The following PRRC2A variants were observed in gnomAD, a reference collection of about 807,000 sequenced individuals.
PRRC2A encodes protein PRRC2A.
A neutral mutation model predicts 224.6 loss-of-function variants in PRRC2A; 59 were observed. The observed-to-expected ratio is 0.26, with a 90% CI of 0.21 to 0.33. The LOEUF (loss-of-function observed/expected upper bound fraction) is 0.33. Among genes scored for constraint, PRRC2A ranks in the 10% least tolerant of loss-of-function variants. The pLI, the probability that PRRC2A is intolerant of heterozygous loss-of-function variation, is 1.00. For synonymous variants in PRRC2A, 1,194 were observed against 1,109.5 expected (o/e 1.08, Z -1.51); for missense variants, 3,095 against 2,880.7 (o/e 1.07, Z -1.70).
chr6:31,633,683 TC>T (rs1776957536), intron 17 of PRRC2A, 36 bp downstream of exon 17: 2 of 1,575,888 alleles, frequency 1.3e-6, no homozygotes, highest in Admixed American at 1.8e-5. Context: ...AATATCTCCA[TC>T]CCCAGAGAAG....
In PRRC2A at chr6:31,625,088, G is replaced by A. The variant is rs1331395667; in HGVS notation, c.464-83G>A. 6.0e-6 allele frequency: 9 copies of A among 1,495,790 alleles called. No homozygotes were observed. Among genetic ancestry groups the A allele is most frequent in the Admixed American group, 3.7e-5 (2 of 53,482 alleles). 92.7% of individuals were successfully genotyped at this position (1,495,790 alleles called of 1,614,324 possible). On this transcript the variant is annotated intron_variant, in intron 5 of 30. Transcript: ENST00000376033. This position sits in a 1 kb window ranked among gnomAD's most constrained non-coding sequence, Gnocchi z 4.1. ...GCTGGGATTACAGGCGTGAGCCACCGCGCCCAGCCAGAGTCTTCCACTTTT... is the reference window on the plus strand; with the variant it reads ...GCTGGGATTACAGGCGTGAGCCACCACGCCCAGCCAGAGTCTTCCACTTTT...
chr6:31,626,194 T>A (rs767546010), intron 9 of PRRC2A, 32 bp downstream of exon 9: 1 of 1,598,972 alleles, frequency 6.3e-7, no homozygotes, highest in Non-Finnish European at 8.5e-7. Flanking sequence ...AGAATTTGGA[T>A]CTTGAAAGGC....
chr6:31,622,710 T>G lies in PRRC2A; in HGVS notation c.-80T>G. ...TACAGGGGACAGAGACTGAGACACT[T>G]GCTGTCTGGCCCACAGGCTCTGGCA... On this transcript the variant is annotated 5_prime_UTR_variant, in exon 2 of 31. Coordinates refer to ENST00000376033, the MANE Select transcript of PRRC2A (RefSeq NM_004638.4). The G allele has an allele frequency of 1.0e-6, 1 of 992,246 alleles. No individual in the cohort carries two copies. The highest frequency in any genetic ancestry group is 1.6e-6 in the Non-Finnish European group (1 of 630,046). The allele number at this position is 992,246 out of a possible 1,614,324, so 61.5% of individuals were successfully genotyped here.
rs1776611389 is a variant in PRRC2A at position 31,631,732 on chromosome 6, C to T, written c.3059C>T (p.Pro1020Leu). Reference sequence around the variant, plus strand: ...GACTATTCGTATGAAAGAGTGGGTCCTACCTCTTGCCGGGGTCGGGGCCGA... The same window carrying T: ...GACTATTCGTATGAAAGAGTGGGTCTTACCTCTTGCCGGGGTCGGGGCCGA... ...RRDYSYERVG[P>L]TSCRGRGRGE... Residue 1020 changes from proline (P) to leucine (L), a missense_variant, in exon 16 of 31, where the codon CCT (proline) becomes CTT (leucine). By Grantham distance (98) the Pro-to-Leu change is moderately conservative. Transcript: ENST00000376033. The surrounding 1 kb of genome is among the most constrained non-coding windows in gnomAD (Gnocchi z 4.5). 2.6e-6 allele frequency: 4 copies of T among 1,531,366 alleles called. No individual in the cohort carries two copies. The highest frequency in any genetic ancestry group is 3.5e-6 in the Non-Finnish European group (4 of 1,139,004). The allele number at this position is 1,531,366 out of a possible 1,614,324, so 94.9% of individuals were successfully genotyped here. A position where few individuals can be genotyped will look rare whatever the true frequency, so the allele number is the denominator to read the frequency against.
Position 31,625,738 on chromosome 6 carries a change from C to T in PRRC2A, c.760-54C>T, listed in dbSNP as rs1775833629. 1.3e-6 allele frequency: 2 copies of T among 1,559,792 alleles called. No homozygotes were observed. Among genetic ancestry groups the T allele is most frequent in the African/African-American group, 2.7e-5 (2 of 73,756 alleles). On this transcript the variant is annotated intron_variant, in intron 7 of 30. Coordinates refer to ENST00000376033, the MANE Select transcript of PRRC2A (RefSeq NM_004638.4). The surrounding 1 kb of genome is among the most constrained non-coding windows in gnomAD (Gnocchi z 4.1). ...GATGATTGATAGCAGGCTTAAGGAG[C>T]TAGAAGGGTATATGACTGTCCCTCT...
intron 9 of PRRC2A, 111 bp from the exon 10 acceptor site, chr6:31,626,661 C>T (rs946006097): frequency 1.2e-5 from 12 of 964,012 alleles, no homozygotes; most frequent in South Asian, 1.1e-4. Flanking sequence ...ATCTAGACTT[C>T]GGAGGGAAGG....
In PRRC2A at chr6:31,633,530, A is replaced by C. The variant is rs2150527612; in HGVS notation, c.4471A>C (p.Thr1491Pro). 1 of 1,613,104 alleles carries C rather than the reference A, an allele frequency of 6.2e-7. No individual in the cohort carries two copies. The highest frequency in any genetic ancestry group is 8.5e-7 in the Non-Finnish European group (1 of 1,180,036). The change falls in exon 17 of 31, where the codon ACT (threonine) becomes CCT (proline). Residue 1491 changes from threonine to proline, a missense_variant. Thr to Pro is a conservative substitution (Grantham distance 38). Coordinates refer to ENST00000376033, the MANE Select transcript of PRRC2A (RefSeq NM_004638.4). ...GCTTAGTAGCCGTCAAGGGAGTGTA[A>C]CTGCACCAGGGGGTCATCCAAGGCA... ...AQLSSRQGSV[T>P]APGGHPRHKP... is the part of the protein sequence containing the mutation.
At position 31,635,478 on chromosome 6, in the gene PRRC2A, A is replaced by G. The variant is rs776573688; in HGVS notation, c.5373+13A>G. On this transcript the variant is annotated intron_variant, in intron 23 of 30. Coordinates refer to ENST00000376033, the MANE Select transcript of PRRC2A (RefSeq NM_004638.4). ...ATCAGTCACTGAGGTAAGTGGGAGT[A>G]AGAGTTTGGTGGAAAGGCCCAAGAT... The G allele has an allele frequency of 5.0e-6, 8 of 1,613,836 alleles. No homozygotes were observed. Among genetic ancestry groups the G allele is most frequent in the South Asian group, 4.4e-5 (4 of 91,088 alleles).
chr6:31,624,627 A>C, intron 5 of PRRC2A, 105 bp downstream of exon 5: 1 of 1,258,902 alleles, frequency 7.9e-7, no homozygotes, highest in East Asian at 2.4e-5. Context: ...TGGCTAAATC[A>C]AGGACCACCC....
In PRRC2A at chr6:31,629,909, G is replaced by C. The variant is rs572140940; in HGVS notation, c.2254+64G>C. ...CCTCAGTCTTAGGCATTGGATATTA[G>C]GGTCTTACTGTGACTCTGGTACGAT... On this transcript the variant is annotated intron_variant, in intron 14 of 30. Transcript: ENST00000376033. 1.4e-4 allele frequency: 224 copies of C among 1,589,682 alleles called. 1 individual carries two copies. In the African/African-American group the frequency reaches 2.9e-3, roughly 20 times the overall value.
chr6:31,622,039 G>T (rs1286291666), intron 1 of PRRC2A, among the ~76,000 whole-genome samples: 1 of 152,194 alleles, frequency 6.6e-6, no homozygotes, highest in Non-Finnish European at 1.5e-5. Context: ...CAATACAGGA[G>T]CAAGTTTAGG....
intron 18 of PRRC2A, 110 bp from the exon 19 acceptor site, chr6:31,634,115 AGTCTCCCATGT>A (rs908766049): frequency 6.4e-7 from 1 of 1,567,492 alleles, no homozygotes; most frequent in Non-Finnish European, 8.6e-7. Context: ...TCTCAGTATT[AGTCTCCCATGT>A]GTCTCCCTTG....
At chr6:31,622,655 A>G (rs1006163066) in intron 1 of PRRC2A, 35 bp from the exon 2 acceptor site, 2 of 661,270 alleles carry the variant, frequency 3.0e-6, no homozygotes, top group South Asian at 2.0e-5. Context: ...TGATAATGCA[A>G]TGGAGTTTTT....
chr6:31,634,433 TCTC>T, intron 19 of PRRC2A, 36 bp from the exon 20 acceptor site: 1 of 1,612,474 alleles, frequency 6.2e-7, no homozygotes. Context: ...TGAACTGTCA[TCTC>T]CTCACTTCTC....
At chr6:31,634,674 C>T in intron 20 of PRRC2A, 79 bp from the exon 21 acceptor site, 1 of 1,561,850 alleles carries the variant, frequency 6.4e-7, no homozygotes, top group Non-Finnish European at 8.8e-7. Context: ...CCCCTTTCTG[C>T]AGTTTGTATG....
Position 31,632,717 on chromosome 6 carries a change from C to T in PRRC2A, c.4044C>T (p.Pro1348=). The T allele has an allele frequency of 1.2e-6, 2 of 1,613,130 alleles. No individual in the cohort carries two copies. The highest frequency in any genetic ancestry group is 1.3e-5 in the African/African-American group (1 of 75,060). Reference sequence around the variant, plus strand: ...CACCCCCACCAGTACTGCTGACACCCAAGGCTGTGGGAACTCCTGGGGGAG... The same window carrying T: ...CACCCCCACCAGTACTGCTGACACCTAAGGCTGTGGGAACTCCTGGGGGAG... The part of the protein sequence containing the change: ...KEAPPPVLLT[P]KAVGTPGGGG... The change falls in exon 16 of 31, where the codon CCC becomes CCT. Residue 1348 remains proline (P), a synonymous_variant. Transcript: ENST00000376033.
intron 2 of PRRC2A, chr6:31,623,182 C>T (rs1164066157): frequency 1.4e-6 from 1 of 711,448 alleles, no homozygotes; most frequent in Non-Finnish European, 2.6e-6. Flanking sequence ...TTGCTTCTTG[C>T]AGGCTCATGA....
Position 31,626,351 on chromosome 6 carries a change from A to C in PRRC2A, c.982+189A>C, listed in dbSNP as rs186504243. On this transcript the variant is annotated intron_variant, in intron 9 of 30. Transcript: ENST00000376033. ...GAGGATCGCTTGAAGCCAGGAGTTC[A>C]AGACCAGCCTGGGCAACACAGCAAG... 1.4e-3 allele frequency among the ~76,000 whole-genome samples: 216 copies of C among 152,070 alleles called. 1 individual carries two copies. Among genetic ancestry groups the C allele is most frequent in the Non-Finnish European group, 1.4e-3 (98 of 67,976 alleles).
At position 31,637,130 on chromosome 6, in the gene PRRC2A, C is replaced by A. The variant is rs777347819; in HGVS notation, c.6236C>A (p.Thr2079Asn). 1 of 1,610,668 alleles carries A rather than the reference C, an allele frequency of 6.2e-7. No individual in the cohort carries two copies. Among genetic ancestry groups the A allele is most frequent in the South Asian group, 1.1e-5 (1 of 90,810 alleles). Residue 2079 changes from threonine (T) to asparagine (N), a missense_variant, in exon 29 of 31, where the codon ACT becomes AAT. Thr to Asn is a moderately conservative substitution (Grantham distance 65). This residue lies in a region of PRRC2A where 662 missense variants were observed against 609.5 expected (regional missense o/e 1.09). Transcript: ENST00000376033. ...GGPGSSRTPP[T>N]GRSFSGLNSR... ...CCTGGATCATCACGGACTCCCCCAA[C>A]TGGAAGGTGAAACGGAATAGGGATG...
Sources: allele counts gnomAD v4.1 joint callset (sites outside exome capture counted in the v4.1 genomes callset), GRCh38; gene constraint gnomAD v4.1.1; regional missense constraint gnomAD v4.1.1; non-coding constraint Gnocchi (gnomAD v3.1); transcripts MANE v1.5; gene names NCBI Gene and HGNC (gene_info 2026-07-23, HGNC 2026-07-21).